Variants in CAMK1D observed in about 807,000 individuals in gnomAD.
The protein encoded by CAMK1D is calcium/calmodulin dependent protein kinase ID, also known as calcium/calmodulin-dependent protein kinase type 1D.
CAMK1D carries 9 observed loss-of-function variants against 47.7 expected under a neutral mutation model. The observed-to-expected ratio is 0.19, with a 90% CI of 0.11 to 0.33. The LOEUF (loss-of-function observed/expected upper bound fraction) is 0.33, where lower values mean the gene tolerates loss of function less well. Among genes scored for constraint, CAMK1D ranks in the 10% least tolerant of loss-of-function variants. The pLI is 1.00. For synonymous variants in CAMK1D, 184 were observed against 184.9 expected (o/e 0.99, Z 0.04); for missense variants, 291 against 488.7 (o/e 0.60, Z 3.81).
intron 1 of CAMK1D, among the ~76,000 whole-genome samples, chr10:12,483,779 C>T (rs1331727377): frequency 6.6e-6 from 1 of 152,106 alleles, no homozygotes; most frequent in Non-Finnish European, 1.5e-5. Context: ...CGCCGCCTCC[C>T]AGGTTCAAGT....
chr10:12,579,376 C>T (rs1446582583), intron 2 of CAMK1D, among the ~76,000 whole-genome samples: 1 of 152,156 alleles, frequency 6.6e-6, no homozygotes, highest in African/African-American at 2.4e-5. Context: ...CCTTTTCTCT[C>T]CACTTCTTCT....
chr10:12,626,347 G>A (rs7075852), intron 2 of CAMK1D, among the ~76,000 whole-genome samples: 5 of 151,950 alleles, frequency 3.3e-5, no homozygotes, highest in South Asian at 4.2e-4. Context: ...AAATAGTGTC[G>A]CTAGACTTAC....
chr10:12,605,337 A>AGT (rs112178502), intron 2 of CAMK1D, among the ~76,000 whole-genome samples: 16,620 of 144,972 alleles, frequency 0.11, 1,154 homozygotes, highest in African/African-American at 0.19. Context: ...AAACCATTCA[A>AGT]GTGTGTGTGT....
chr10:12,514,811 C>G (rs1374774051), intron 1 of CAMK1D, among the ~76,000 whole-genome samples: 1 of 152,214 alleles, frequency 6.6e-6, no homozygotes, highest in Non-Finnish European at 1.5e-5. Flanking sequence ...CGTGTATTTA[C>G]TGGTATACGT....
intron 2 of CAMK1D, among the ~76,000 whole-genome samples, chr10:12,627,184 C>G (rs975568458): frequency 2.6e-5 from 4 of 151,486 alleles, no homozygotes; most frequent in Non-Finnish European, 4.4e-5. Context: ...CGGGTTCACA[C>G]CATTCTCCTG....
intron 8 of CAMK1D, among the ~76,000 whole-genome samples, 182 bp downstream of exon 8, chr10:12,816,510 G>T (rs1450663552): frequency 6.6e-6 from 1 of 152,034 alleles, no homozygotes; most frequent in African/African-American, 2.4e-5. Context: ...GTGCCCCCAG[G>T]ACACAGCTTC....
At chr10:12,483,889 G>C (rs1046003802) in intron 1 of CAMK1D, among the ~76,000 whole-genome samples, 1 of 152,150 alleles carries the variant, frequency 6.6e-6, no homozygotes, top group Non-Finnish European at 1.5e-5. Context: ...GTTTTGCCAT[G>C]TTGGCCAGGC....
chr10:12,659,396 T>A (rs894914905), intron 2 of CAMK1D, among the ~76,000 whole-genome samples: 2 of 152,192 alleles, frequency 1.3e-5, no homozygotes, highest in Admixed American at 1.3e-4. Context: ...GATTATAAAC[T>A]GTGAGTGATC....
intron 3 of CAMK1D, among the ~76,000 whole-genome samples, chr10:12,679,913 T>C (rs900895588): frequency 6.6e-6 from 1 of 152,210 alleles, no homozygotes; most frequent in Non-Finnish European, 1.5e-5. Flanking sequence ...CAAAGCATGC[T>C]GCATAATCCC....
At chr10:12,696,775 T>C (rs1374844647) in intron 3 of CAMK1D, among the ~76,000 whole-genome samples, 1 of 152,238 alleles carries the variant, frequency 6.6e-6, no homozygotes. Context: ...GTAGTTGTAG[T>C]AATAAATTTC....
At chr10:12,787,524 C>T (rs984187189) in intron 5 of CAMK1D, among the ~76,000 whole-genome samples, 2 of 152,212 alleles carry the variant, frequency 1.3e-5, no homozygotes, top group Admixed American at 6.5e-5. Flanking sequence ...GCCTGCTCTG[C>T]GGTGGCTGTG....
At chr10:12,564,799 A>G (rs369275098) in intron 2 of CAMK1D, among the ~76,000 whole-genome samples, 5 of 152,360 alleles carry the variant, frequency 3.3e-5, no homozygotes, top group African/African-American at 1.2e-4. Flanking sequence ...GTGCTGCAAT[A>G]GATGTAGTGT....
chr10:12,463,289 C>T (rs1185039088), intron 1 of CAMK1D, among the ~76,000 whole-genome samples: 2 of 151,978 alleles, frequency 1.3e-5, no homozygotes, highest in East Asian at 1.9e-4. Flanking sequence ...AGGCGCACAC[C>T]ACCACACCTG....
At chr10:12,357,056 C>T (rs1837539031) in intron 1 of CAMK1D, among the ~76,000 whole-genome samples, 2 of 152,158 alleles carry the variant, frequency 1.3e-5, no homozygotes, top group Admixed American at 6.5e-5. Flanking sequence ...AATCTCTCTC[C>T]TCCTGCTTCT....
intron 1 of CAMK1D, among the ~76,000 whole-genome samples, chr10:12,378,814 CTTT>C (rs11291856): frequency 3.2e-4 from 39 of 122,780 alleles, no homozygotes; most frequent in Admixed American, 4.2e-4. Flanking sequence ...TTTTTCTTTT[CTTT>C]TTTTTTTTTT....
intron 2 of CAMK1D, among the ~76,000 whole-genome samples, chr10:12,662,561 G>A (rs1041246529): frequency 1.3e-5 from 2 of 151,926 alleles, no homozygotes; most frequent in African/African-American, 4.8e-5. Flanking sequence ...CTGAGGCAGG[G>A]GAATGGCATG....
chr10:12,681,972 C>G (rs1832458213), intron 3 of CAMK1D, among the ~76,000 whole-genome samples: 1 of 152,196 alleles, frequency 6.6e-6, no homozygotes, highest in South Asian at 2.1e-4. Context: ...GTAATCCCAG[C>G]ACTTTGGGAG....
At chr10:12,761,183 G>A (rs1456077549) in intron 4 of CAMK1D, 97 bp downstream of exon 4, 1 of 1,406,038 alleles carries the variant, frequency 7.1e-7, no homozygotes, top group African/African-American at 1.4e-5. Context: ...CAGCTGCTCT[G>A]ATGTAGAGTG....
chr10:12,734,419 C>CACACAT lies in CAMK1D; in HGVS notation c.300-26528_300-26527insCACATA, dbSNP rs1379206070. Among the ~76,000 whole-genome samples, 33 of 11,394 alleles carry CACACAT rather than the reference C, an allele frequency of 2.9e-3. 4 individuals are homozygous for CACACAT. The highest frequency in any genetic ancestry group is 4.3e-3 in the African/African-American group (30 of 6,996). The allele number at this position is 11,394 out of a possible 152,430, so 7.5% of individuals were successfully genotyped here. ...ATATATATATATACACACACACACA[C>CACACAT]ATGTATATATATATACACACACACA... On this transcript the variant is annotated intron_variant, in intron 3 of 10. Coordinates refer to ENST00000619168, the MANE Select transcript of CAMK1D (RefSeq NM_153498.4).
Sources: allele counts gnomAD v4.1 joint callset (sites outside exome capture counted in the v4.1 genomes callset), GRCh38; gene constraint gnomAD v4.1.1; transcripts MANE v1.5; gene names NCBI Gene and HGNC (gene_info 2026-07-23, HGNC 2026-07-21).